The following GALNT16 variants were observed in gnomAD, a reference collection of about 807,000 sequenced individuals.
GALNT16 encodes the protein polypeptide N-acetylgalactosaminyltransferase 16, also known as UDP-GalNAc:polypeptide N-acetylgalactosaminyltransferase-like protein 1.
In GALNT16, 40 loss-of-function variants were observed where a neutral mutation model predicts 76.1. The observed-to-expected ratio is 0.53, with a 90% CI of 0.41 to 0.68. GALNT16 has a LOEUF of 0.68. GALNT16 is among the 30% of genes least tolerant of loss of function. The pLI, the probability that GALNT16 is intolerant of heterozygous loss-of-function variation, is 0.00. For missense variants in GALNT16, 621 were observed against 731.9 expected, an observed-to-expected ratio of 0.85 and a Z score of 1.75; for synonymous variants, 276 against 285.2, an observed-to-expected ratio of 0.97 and a Z score of 0.32.
At chr14:69,299,072 G>A (rs545025098) in intron 1 of GALNT16, among the ~76,000 whole-genome samples, 1 of 152,338 alleles carries the variant, frequency 6.6e-6, no homozygotes, top group Admixed American at 6.5e-5. Context: ...TGAGACTGAG[G>A]CAGACAGGAC....
chr14:69,326,521 G>A (rs2045287359), intron 5 of GALNT16, among the ~76,000 whole-genome samples: 2 of 152,166 alleles, frequency 1.3e-5, no homozygotes, highest in Admixed American at 6.5e-5. Flanking sequence ...GCAGCCACAG[G>A]CTGGCTGTGG....
chr14:69,317,086 C>A (rs949143809), intron 1 of GALNT16, among the ~76,000 whole-genome samples: 5 of 152,158 alleles, frequency 3.3e-5, no homozygotes, highest in African/African-American at 7.2e-5. Flanking sequence ...ACTTTCACTA[C>A]CCCCTCCAGA....
intron 1 of GALNT16, among the ~76,000 whole-genome samples, chr14:69,314,475 C>T (rs1485880836): frequency 7.2e-5 from 11 of 152,180 alleles, no homozygotes. Context: ...CCTGAGGGAC[C>T]CTTGATACTC....
At chr14:69,355,825 T>C (rs1386531869), downstream of GALNT16, 2 of 152,270 alleles carry the variant, frequency 1.3e-5, no homozygotes, top group African/African-American at 2.4e-5. Context: ...ACAAGGGCTG[T>C]TCCCCCTGGC....
At chr14:69,332,165 A>G (rs905250833) in intron 7 of GALNT16, among the ~76,000 whole-genome samples, 6 of 152,230 alleles carry the variant, frequency 3.9e-5, no homozygotes, top group African/African-American at 1.4e-4. Flanking sequence ...AAATGACAAT[A>G]TTTTTGATAT....
chr14:69,286,737 T>C (rs1258336791), intron 1 of GALNT16, among the ~76,000 whole-genome samples: 1 of 152,198 alleles, frequency 6.6e-6, no homozygotes. Flanking sequence ...ATGGGTTGAC[T>C]GACAGATGAA....
At chr14:69,268,501 A>G (rs2044366985) in intron 1 of GALNT16, among the ~76,000 whole-genome samples, 1 of 152,168 alleles carries the variant, frequency 6.6e-6, no homozygotes, top group Non-Finnish European at 1.5e-5. Context: ...CGTGTGAGGT[A>G]GGAGGGGCCC....
intron 1 of GALNT16, among the ~76,000 whole-genome samples, chr14:69,276,301 G>C (rs1196854753): frequency 1.3e-5 from 2 of 152,204 alleles, no homozygotes; most frequent in African/African-American, 4.8e-5. Flanking sequence ...ATGGGAGAGA[G>C]GATCAAAAGA....
chr14:69,286,716 A>C (rs1488516760), intron 1 of GALNT16, among the ~76,000 whole-genome samples: 1 of 152,228 alleles, frequency 6.6e-6, no homozygotes, highest in Non-Finnish European at 1.5e-5. Flanking sequence ...GAAGTGCACC[A>C]AAAAATCAGG....
At chr14:69,273,342 C>G (rs190453442) in intron 1 of GALNT16, among the ~76,000 whole-genome samples, 2 of 152,326 alleles carry the variant, frequency 1.3e-5, no homozygotes, top group Non-Finnish European at 2.9e-5. Context: ...TGTCCTGTTA[C>G]AGCCAGAATG....
At chr14:69,267,103 C>T (rs1475206071) in intron 1 of GALNT16, among the ~76,000 whole-genome samples, 1 of 152,228 alleles carries the variant, frequency 6.6e-6, no homozygotes, top group Admixed American at 6.5e-5. Flanking sequence ...GTCTCCCAGA[C>T]CCCTGACTGT....
chr14:69,339,523 T>A lies in GALNT16; in HGVS notation c.1095-4T>A, dbSNP rs556252562. 7 of 1,591,836 alleles carry A rather than the reference T, an allele frequency of 4.4e-6. No homozygotes were observed. The African/African-American group carries it at 9.4e-5, about 21-fold the overall frequency. Reference sequence around the variant, plus strand: ...CCTTATTTTGCTCTTTCCTCTCCTTTTAGGAATACTAAGCGCACTGCAGAA... The same window carrying A: ...CCTTATTTTGCTCTTTCCTCTCCTTATAGGAATACTAAGCGCACTGCAGAA... On this transcript the variant is annotated splice_region_variant and splice_polypyrimidine_tract_variant and intron_variant, in intron 10 of 14. Transcript: ENST00000448469.
rs568668319 is a variant in GALNT16, at chr14:69,320,090, C to CA, written c.178-621_178-620insA. The stretch of plus-strand genomic sequence containing the variant: ...TCTGGTGCACTCCAGGACTCACCCC[C>CA]CCAATATCCCGCAAAGAACATTGGT... On this transcript the variant is annotated intron_variant, in intron 1 of 14. Transcript: ENST00000448469. Among the ~76,000 whole-genome samples the CA allele has an allele frequency of 3.2e-4, 48 of 152,312 alleles. 1 individual carries two copies. In the South Asian group the frequency reaches 9.9e-3, roughly 32 times the overall value.
At chr14:69,363,169 T>C in the GALNT16 span, among the ~76,000 whole-genome samples, 3 of 152,292 alleles carry the variant, frequency 2.0e-5, no homozygotes, top group East Asian at 3.9e-4. Flanking sequence ...GCAGGGAAGA[T>C]GCAGGCTGCG....
Position 69,330,369 on chromosome 14 carries a change from G to T in GALNT16, c.691-1095G>T, listed in dbSNP as rs55758243. On this transcript the variant is annotated intron_variant, in intron 6 of 14. Transcript: ENST00000448469. ...CTTTCATAGGAAATGTCCAGAATAA[G>T]CAAATCTATAGAAACAGAAAGTAGA... Among the ~76,000 whole-genome samples the T allele has an allele frequency of 9.0e-3, 1,370 of 152,334 alleles. 12 individuals are homozygous for T. The highest frequency in any genetic ancestry group is 0.014 in the Non-Finnish European group (938 of 68,024).
At chr14:69,329,123 C>T (rs1013470203) in intron 6 of GALNT16, among the ~76,000 whole-genome samples, 4 of 152,092 alleles carry the variant, frequency 2.6e-5, no homozygotes, top group African/African-American at 7.2e-5. Flanking sequence ...TTTGGGAGGC[C>T]GGGGAGGGCA....
rs568920645 is a variant in GALNT16 at position 69,268,775 on chromosome 14, G to A, written c.177+8308G>A. Among the ~76,000 whole-genome samples the A allele has an allele frequency of 3.9e-5, 6 of 152,354 alleles. No homozygotes were observed. The South Asian group carries it at 1.2e-3, about 32-fold the overall frequency. The stretch of plus-strand genomic sequence containing the variant: ...AGAAAGATGGGAAAAGGATGGCCAG[G>A]AAAGGCCTCTGGTAAGACTTCATTG... On this transcript the variant is annotated intron_variant, in intron 1 of 14. Transcript: ENST00000448469.
chr14:69,280,832 G>A (rs1289229386), intron 1 of GALNT16, among the ~76,000 whole-genome samples: 1 of 152,064 alleles, frequency 6.6e-6, no homozygotes, highest in East Asian at 1.9e-4. Flanking sequence ...TTACCTCCAG[G>A]TTGTATAGCT....
rs927445263 is a variant in GALNT16, at chr14:69,261,334, C to G, written c.177+867C>G. Among the ~76,000 whole-genome samples, 10 of 152,272 alleles carry G rather than the reference C, an allele frequency of 6.6e-5. No homozygotes were observed. The highest frequency in any genetic ancestry group is 2.6e-4 in the Admixed American group (4 of 15,310). On this transcript the variant is annotated intron_variant, in intron 1 of 14. Transcript: ENST00000448469. The surrounding 1 kb of genome is among the most constrained non-coding windows in gnomAD (Gnocchi z 6.4). ...CCGTCTCCGTCCGAGCCCCAGGTGA[C>G]AGAGCTGTGCGTGGCCAGGCAGGGG...
Sources: allele counts gnomAD v4.1 joint callset (sites outside exome capture counted in the v4.1 genomes callset), GRCh38; gene constraint gnomAD v4.1.1; non-coding constraint Gnocchi (gnomAD v3.1); transcripts MANE v1.5; gene names NCBI Gene and HGNC (gene_info 2026-07-23, HGNC 2026-07-21).